The following GBX1 variants were observed in gnomAD, a reference collection of about 807,000 sequenced individuals.
The protein encoded by GBX1 is gastrulation brain homeobox 1.
A neutral mutation model predicts 22.9 loss-of-function variants in GBX1; 9 were observed. That is an observed-to-expected ratio of 0.39 (90% CI 0.24 to 0.69). GBX1 has a LOEUF of 0.69. Among genes scored for constraint, GBX1 ranks in the 30% least tolerant of loss-of-function variants. The pLI is 0.43. For missense variants in GBX1, 494 were observed against 509.2 expected (o/e 0.97, Z 0.29); for synonymous variants, 203 against 227.3 (o/e 0.89, Z 0.96).
rs1448148831 is a variant in GBX1 at position 151,167,465 on chromosome 7, G to A, written c.84C>T (p.Asp28=). The A allele has an allele frequency of 1.1e-5, 16 of 1,511,776 alleles. 1 individual carries two copies. The Middle Eastern group carries it at 6.1e-4, about 58-fold the overall frequency. The allele number at this position is 1,511,776 out of a possible 1,614,324, so 93.6% of individuals were successfully genotyped here. ...GCGGCGGCGGCGGCCCGATTAGGGA[G>A]TCGATGGAGAAGGCAGTGCCCGGGC... The part of the protein sequence containing the change: ...GGGPGTAFSI[D]SLIGPPPPRS... Residue 28 remains aspartate, a synonymous_variant, in exon 1 of 2, where the codon GAC becomes GAT. Transcript: ENST00000297537. This position sits in a 1 kb window ranked among gnomAD's most constrained non-coding sequence, Gnocchi z 5.9.
intron 1 of GBX1, among the ~76,000 whole-genome samples, chr7:151,151,850 T>C (rs989588778): frequency 1.4e-4 from 21 of 152,170 alleles, no homozygotes; most frequent in Admixed American, 2.6e-4. Flanking sequence ...ATGATTCCTC[T>C]TTCTGTCTGG....
chr7:151,157,170 C>A (rs970605114), intron 1 of GBX1, among the ~76,000 whole-genome samples: 1 of 151,888 alleles, frequency 6.6e-6, no homozygotes, highest in Admixed American at 6.6e-5. Context: ...GTGGCACATG[C>A]CTGTAGTCCC....
intron 1 of GBX1, among the ~76,000 whole-genome samples, chr7:151,162,284 C>G (rs1038244949): frequency 6.6e-6 from 1 of 152,190 alleles, no homozygotes; most frequent in Non-Finnish European, 1.5e-5. Context: ...GTCATATTAT[C>G]ATTTTCTGTT....
intron 1 of GBX1, among the ~76,000 whole-genome samples, chr7:151,166,093 C>A (rs1277338419): frequency 6.6e-6 from 1 of 152,136 alleles, no homozygotes; most frequent in Non-Finnish European, 1.5e-5. Flanking sequence ...ACTCAGAACA[C>A]CTGAATCTGT....
intron 1 of GBX1, among the ~76,000 whole-genome samples, chr7:151,151,153 TTTC>T (rs1801075108): frequency 6.6e-6 from 1 of 152,168 alleles, no homozygotes; most frequent in African/African-American, 2.4e-5. Context: ...GTGCTTCCTG[TTTC>T]TTCTAACCTT....
At chr7:151,155,201 C>T (rs1202099735) in intron 1 of GBX1, among the ~76,000 whole-genome samples, 1 of 152,222 alleles carries the variant, frequency 6.6e-6, no homozygotes. Context: ...CTGGTCCGCC[C>T]ATCTTAGGAC....
At chr7:151,154,944 GGA>G (rs1253247122) in intron 1 of GBX1, among the ~76,000 whole-genome samples, 1 of 152,224 alleles carries the variant, frequency 6.6e-6, no homozygotes, top group Non-Finnish European at 1.5e-5. Context: ...GCACCGAGGA[GGA>G]GGAGGAAAAG....
Position 151,157,018 on chromosome 7 carries a change from A to G in GBX1, c.539-7876T>C, listed in dbSNP as rs1333028291. The stretch of plus-strand genomic sequence containing the variant: ...AAAAAAAAAAAAAAGTGTATTTTCT[A>G]ACTTTGAAAATAATAACGTCTGTAA... On this transcript the variant is annotated intron_variant, in intron 1 of 1. Transcript: ENST00000297537. Among the ~76,000 whole-genome samples, 8 of 145,910 alleles carry G rather than the reference A, an allele frequency of 5.5e-5. No homozygotes were observed. In the South Asian group the frequency reaches 1.1e-3, roughly 20 times the overall value.
chr7:151,156,543 G>A (rs774731914), intron 1 of GBX1, among the ~76,000 whole-genome samples: 3 of 151,760 alleles, frequency 2.0e-5, no homozygotes, highest in Non-Finnish European at 4.4e-5. Context: ...CATCAGAGAC[G>A]TTTCACTCAC....
rs1387063790 is a variant in GBX1 at position 151,149,271 on chromosome 7, AGAG to A, written c.539-132_539-130del. The A allele has an allele frequency of 6.4e-5, 54 of 840,684 alleles. 1 individual carries two copies. The highest frequency in any genetic ancestry group is 4.1e-4 in the African/African-American group (24 of 58,970). 52.1% of individuals were successfully genotyped at this position (840,684 alleles called of 1,614,324 possible). ...AGAGCAGGAAAAAAGAGAGCCATGG[AGAG>A]GAGAAGATGGGGAGGGACAGGAGGC... is the stretch of plus-strand genomic sequence containing the variant. On this transcript the variant is annotated intron_variant, in intron 1 of 1. Transcript: ENST00000297537.
In GBX1 at chr7:151,148,448, C is replaced by T; in HGVS notation, c.*141G>A. On this transcript the variant is annotated 3_prime_UTR_variant, in exon 2 of 2. Coordinates refer to ENST00000297537, the MANE Select transcript of GBX1 (RefSeq NM_001098834.3). This position sits in a 1 kb window ranked among gnomAD's most constrained non-coding sequence, Gnocchi z 5.1. Reference sequence around the variant, plus strand: ...TTCTGGGAGGAGTCTGGGAAGAGCACACCCAGGGCTAGGTTAATTGCCAAC... The same window carrying T: ...TTCTGGGAGGAGTCTGGGAAGAGCATACCCAGGGCTAGGTTAATTGCCAAC... 1.3e-6 allele frequency: 1 copy of T among 763,174 alleles called. No individual in the cohort carries two copies. Among genetic ancestry groups the T allele is most frequent in the African/African-American group, 1.8e-5 (1 of 56,774 alleles). 47.3% of individuals were successfully genotyped at this position (763,174 alleles called of 1,614,324 possible). A position where few individuals can be genotyped will look rare whatever the true frequency, so the allele number is the denominator to read the frequency against.
chr7:151,152,455 T>C (rs1337682629), intron 1 of GBX1, among the ~76,000 whole-genome samples: 2 of 152,224 alleles, frequency 1.3e-5, no homozygotes, highest in African/African-American at 4.8e-5. Context: ...ACAATCCTAA[T>C]ACCATTAGTA....
At chr7:151,156,844 G>C (rs571219804) in intron 1 of GBX1, among the ~76,000 whole-genome samples, 2 of 152,056 alleles carry the variant, frequency 1.3e-5, no homozygotes, top group East Asian at 1.9e-4. Flanking sequence ...AATTAGCCAG[G>C]CATGGCGGTG....
intron 1 of GBX1, among the ~76,000 whole-genome samples, chr7:151,155,120 C>T (rs1487144953): frequency 6.6e-6 from 1 of 152,204 alleles, no homozygotes; most frequent in Admixed American, 6.5e-5. Context: ...TCTGACTTAT[C>T]TTCTCTCTAC....
At chr7:151,151,306 C>T (rs1053824791) in intron 1 of GBX1, among the ~76,000 whole-genome samples, 3 of 152,196 alleles carry the variant, frequency 2.0e-5, no homozygotes, top group Non-Finnish European at 2.9e-5. Flanking sequence ...AGCATCAAGA[C>T]CCATCTGGGT....
chr7:151,164,774 C>T (rs972673822), intron 1 of GBX1, among the ~76,000 whole-genome samples: 2 of 51,068 alleles, frequency 3.9e-5, no homozygotes, highest in Non-Finnish European at 7.1e-5. Flanking sequence ...ACAAATTTCC[C>T]TCTTTTTTTT....
chr7:151,166,838 C>A (rs1383465421), intron 1 of GBX1, among the ~76,000 whole-genome samples, 173 bp downstream of exon 1: 1 of 152,206 alleles, frequency 6.6e-6, no homozygotes, highest in East Asian at 1.9e-4. Context: ...GTTCTGGAAT[C>A]TAAAGAGGCT....
rs377277942 is a variant in GBX1, at chr7:151,156,951, C to T, written c.539-7809G>A. 4.9e-5 allele frequency among the ~76,000 whole-genome samples: 7 copies of T among 141,718 alleles called. No individual in the cohort carries two copies. In the South Asian group the frequency reaches 6.7e-4, roughly 13 times the overall value. 93.0% of individuals were successfully genotyped at this position (141,718 alleles called of 152,430 possible). A position where few individuals can be genotyped will look rare whatever the true frequency, so the allele number is the denominator to read the frequency against. ...AGTGAGCAGAGATCGCACAACTGTA[C>T]TCCAGCCCAGGCAACAGAGTGAGAC... On this transcript the variant is annotated intron_variant, in intron 1 of 1. Coordinates refer to ENST00000297537, the MANE Select transcript of GBX1 (RefSeq NM_001098834.3).
At chr7:151,151,804 T>C (rs1248701724) in intron 1 of GBX1, among the ~76,000 whole-genome samples, 1 of 152,200 alleles carries the variant, frequency 6.6e-6, no homozygotes, top group African/African-American at 2.4e-5. Context: ...TTCTAACTGG[T>C]TTCCCAGCTT....
Sources: allele counts gnomAD v4.1 joint callset (sites outside exome capture counted in the v4.1 genomes callset), GRCh38; gene constraint gnomAD v4.1.1; non-coding constraint Gnocchi (gnomAD v3.1); transcripts MANE v1.5; gene names NCBI Gene and HGNC (gene_info 2026-07-23, HGNC 2026-07-21).